The following LIMD1 variants were observed in gnomAD, a reference collection of about 807,000 sequenced individuals.
LIMD1 encodes LIM domain-containing protein 1.
LIMD1 carries 23 observed loss-of-function variants against 58.4 expected under a neutral mutation model. The observed-to-expected ratio is 0.39, with a 90% confidence interval of 0.28 to 0.56. The LOEUF is 0.56. Among genes scored for constraint, LIMD1 ranks in the 20% least tolerant of loss-of-function variants. The pLI, the probability that LIMD1 is intolerant of heterozygous loss-of-function variation, is 0.57. For missense variants in LIMD1, 838 were observed against 855.5 expected, an observed-to-expected ratio of 0.98 and a Z score of 0.25; for synonymous variants, 334 against 345.5, an observed-to-expected ratio of 0.97 and a Z score of 0.37.
At chr3:45,674,096 A>C (rs911405817) in intron 6 of LIMD1, among the ~76,000 whole-genome samples, 1 of 152,180 alleles carries the variant, frequency 6.6e-6, no homozygotes, top group Non-Finnish European at 1.5e-5. Flanking sequence ...ATAAGTGTCC[A>C]TGTAGGTCTT....
chr3:45,601,950 T>A (rs13059518), intron 1 of LIMD1, among the ~76,000 whole-genome samples: 44,419 of 150,344 alleles, frequency 0.3, 8,107 homozygotes, highest in Middle Eastern at 0.46. Context: ...GGACTTTTTT[T>A]TTTTTTTTTT....
chr3:45,594,915 T>C lies in LIMD1; in HGVS notation c.36T>C (p.Ser12=), dbSNP rs1261146566. The C allele has an allele frequency of 6.2e-7, 1 of 1,610,678 alleles. No homozygotes were observed. Among genetic ancestry groups the C allele is most frequent in the East Asian group, 2.2e-5 (1 of 44,826 alleles). ...DKYDDLGLEA[S]KFIEDLNMYE... The stretch of plus-strand genomic sequence containing the variant: ...ATGACGACCTGGGCCTGGAGGCCAG[T>C]AAATTCATCGAGGACCTGAACATGT... The change falls in exon 1 of 8, where the codon AGT becomes AGC. Residue 12 remains serine (S), a synonymous_variant. Transcript: ENST00000273317.
At chr3:45,618,983 G>A (rs369811142) in intron 1 of LIMD1, among the ~76,000 whole-genome samples, 76 of 152,176 alleles carry the variant, frequency 5.0e-4, no homozygotes, top group African/African-American at 1.7e-3. Context: ...AAATTATTGC[G>A]TTGTAAACTT....
chr3:45,661,886 T>C (rs1219418194), intron 2 of LIMD1, among the ~76,000 whole-genome samples: 1 of 152,164 alleles, frequency 6.6e-6, no homozygotes, highest in Admixed American at 6.6e-5. Context: ...GCCTCCTAAG[T>C]AGCTGGGACT....
chr3:45,656,758 C>T (rs577109436), intron 2 of LIMD1, among the ~76,000 whole-genome samples: 9 of 152,118 alleles, frequency 5.9e-5, no homozygotes, highest in African/African-American at 2.2e-4. Flanking sequence ...CCTCATGATC[C>T]GCCCACCTTG....
intron 2 of LIMD1, among the ~76,000 whole-genome samples, chr3:45,658,802 G>A (rs1038531535): frequency 2.6e-5 from 4 of 151,764 alleles, no homozygotes; most frequent in South Asian, 2.1e-4. Flanking sequence ...CGATCTGCCC[G>A]CCTTGGCCTC....
chr3:45,612,654 A>G (rs1701536704), intron 1 of LIMD1, among the ~76,000 whole-genome samples: 1 of 152,216 alleles, frequency 6.6e-6, no homozygotes, highest in Admixed American at 6.5e-5. Context: ...ATCCCCAGAA[A>G]GTTCCCTCAT....
intron 1 of LIMD1, among the ~76,000 whole-genome samples, chr3:45,626,810 G>A (rs1438517301): frequency 6.6e-6 from 1 of 151,882 alleles, no homozygotes; most frequent in Non-Finnish European, 1.5e-5. Context: ...TGATAGGGAG[G>A]GGGGCTGTGC....
Position 45,646,765 on chromosome 3 carries a change from C to T in LIMD1, c.1510+10514C>T, listed in dbSNP as rs200814621. Among the ~76,000 whole-genome samples the T allele has an allele frequency of 2.6e-5, 4 of 150,952 alleles. No homozygotes were observed. In the East Asian group the frequency reaches 7.8e-4, roughly 29 times the overall value. ...TGCAGTGCTGCATTATGGCTCACTG[C>T]AACCTCTGCCTCATGGGCTAAAGTG... On this transcript the variant is annotated intron_variant, in intron 2 of 7. Transcript: ENST00000273317.
chr3:45,612,070 GCTCTCT>G (rs112847908), intron 1 of LIMD1, among the ~76,000 whole-genome samples: 28 of 144,944 alleles, frequency 1.9e-4, no homozygotes, highest in East Asian at 1.4e-3. Flanking sequence ...GCAGGTGCGC[GCTCTCT>G]CTCTCTCTCT....
Position 45,595,184 on chromosome 3 carries a change from C to G in LIMD1, c.305C>G (p.Ala102Gly), listed in dbSNP as rs1575337952. ...GGCAGCAAGCTGACTGTGGATGGTG[C>G]TGCCAAGCCTCCTCTTGCTGCCTCG... ...VVGSKLTVDG[A>G]AKPPLAASTG... Residue 102 changes from alanine to glycine, a missense_variant, in exon 1 of 8, where the codon GCT becomes GGT. Around this residue, in one of 3 missense-constraint regions of LIMD1, gnomAD observed 659 missense variants for 639.8 expected, o/e 1.03. Coordinates refer to ENST00000273317, the MANE Select transcript of LIMD1 (RefSeq NM_014240.3). 1 of 1,602,398 alleles carries G rather than the reference C, an allele frequency of 6.2e-7. No individual in the cohort carries two copies. Among genetic ancestry groups the G allele is most frequent in the Non-Finnish European group, 8.5e-7 (1 of 1,174,408 alleles).
In LIMD1 at chr3:45,685,480, A is replaced by G. The variant is rs1697799309; in HGVS notation, c.*8421A>G. ...GAGACAGGCTGCAACTTAAACCCCT[A>G]TTTTATTAAAGGAGAGGAAATGTCC... On this transcript the variant is annotated 3_prime_UTR_variant, in exon 8 of 8. Transcript: ENST00000273317. 1 of 152,170 alleles carries G rather than the reference A, an allele frequency of 6.6e-6. No homozygotes were observed. The highest frequency in any genetic ancestry group is 2.1e-4 in the South Asian group (1 of 4,832). The allele number at this position is 152,170 out of a possible 1,614,324, so 9.4% of individuals were successfully genotyped here.
At chr3:45,670,527 A>G (rs1439156612) in intron 4 of LIMD1, among the ~76,000 whole-genome samples, 1 of 152,184 alleles carries the variant, frequency 6.6e-6, no homozygotes, top group African/African-American at 2.4e-5. Flanking sequence ...AACATCCAAG[A>G]TGACCTCTCA....
At chr3:45,660,057 C>T (rs1301625665) in intron 2 of LIMD1, among the ~76,000 whole-genome samples, 1 of 152,156 alleles carries the variant, frequency 6.6e-6, no homozygotes, top group Non-Finnish European at 1.5e-5. Context: ...TGATCTTCGC[C>T]CTATTACACA....
At chr3:45,662,986 A>G (rs2125667885) in intron 2 of LIMD1, among the ~76,000 whole-genome samples, 1 of 152,120 alleles carries the variant, frequency 6.6e-6, no homozygotes, top group South Asian at 2.1e-4. Flanking sequence ...TCCGTCTCAA[A>G]AAAAAAAAAC....
chr3:45,637,232 T>G, intron 2 of LIMD1, among the ~76,000 whole-genome samples: 1 of 151,754 alleles, frequency 6.6e-6, no homozygotes, highest in Admixed American at 6.6e-5. Context: ...TAATCAAGGG[T>G]GGGGCCAGGG....
chr3:45,614,750 A>C (rs961857767), intron 1 of LIMD1, among the ~76,000 whole-genome samples: 1 of 137,826 alleles, frequency 7.3e-6, no homozygotes, highest in East Asian at 2.2e-4. Context: ...TAATAAAATA[A>C]AAAATAAATT....
chr3:45,664,675 C>T (rs12493946), intron 2 of LIMD1, among the ~76,000 whole-genome samples: 44,726 of 152,196 alleles, frequency 0.29, 7,065 homozygotes, highest in East Asian at 0.54. Flanking sequence ...ACAGTCTTGT[C>T]GCTATCTGCC....
intron 2 of LIMD1, among the ~76,000 whole-genome samples, chr3:45,657,526 A>C (rs1697354238): frequency 2.0e-5 from 1 of 49,692 alleles, no homozygotes. Context: ...CGCTGTCTCA[A>C]AAAAAAAAAA....
Sources: allele counts gnomAD v4.1 joint callset (sites outside exome capture counted in the v4.1 genomes callset), GRCh38; gene constraint gnomAD v4.1.1; regional missense constraint gnomAD v4.1.1; transcripts MANE v1.5; gene names NCBI Gene and HGNC (gene_info 2026-07-23, HGNC 2026-07-21).